Variants in RBM20 observed in about 807,000 individuals in gnomAD.
RBM20 encodes RNA-binding protein 20.
In RBM20, 51 loss-of-function variants were observed where a neutral mutation model predicts 110.1. That is an observed-to-expected ratio of 0.46 (90% CI 0.37 to 0.59). RBM20 has a LOEUF of 0.59. Ranked by LOEUF, RBM20 falls within the 20% of genes least tolerant of loss-of-function variation. RBM20 has a pLI of 0.00. For synonymous variants in RBM20, 589 were observed against 618.2 expected (o/e 0.95, Z 0.70); for missense variants, 1,512 against 1,574.9 (o/e 0.96, Z 0.68).
chr10:110,694,664 A>G (rs1449349908), intron 1 of RBM20, among the ~76,000 whole-genome samples: 2 of 152,066 alleles, frequency 1.3e-5, no homozygotes, highest in Non-Finnish European at 2.9e-5. Context: ...TGAGGTGCAG[A>G]GCTGATGATG....
intron 8 of RBM20, 114 bp from the exon 9 acceptor site, chr10:110,812,164 G>A: frequency 1.1e-6 from 1 of 942,164 alleles, no homozygotes; most frequent in Non-Finnish European, 1.6e-6. Flanking sequence ...GGAGTTAAGA[G>A]TGTACACAGT....
At chr10:110,675,391 T>C (rs1001207417) in intron 1 of RBM20, among the ~76,000 whole-genome samples, 12 of 152,140 alleles carry the variant, frequency 7.9e-5, no homozygotes, top group Admixed American at 5.2e-4. Flanking sequence ...CCATCATCAT[T>C]ATGAGCAGCT....
intron 13 of RBM20, among the ~76,000 whole-genome samples, chr10:110,834,549 A>G (rs1390832287): frequency 1.3e-5 from 2 of 152,226 alleles, no homozygotes; most frequent in Non-Finnish European, 2.9e-5. Flanking sequence ...AGAAAAGCCA[A>G]CATTACTGAG....
chr10:110,781,824 G>A lies in RBM20; in HGVS notation c.1215G>A (p.Val405=). 1 of 1,551,758 alleles carries A rather than the reference G, an allele frequency of 6.4e-7. No individual in the cohort carries two copies. Among genetic ancestry groups the A allele is most frequent in the African/African-American group, 1.4e-5 (1 of 73,174 alleles). The change falls in exon 2 of 14, where the codon GTG becomes GTA. Residue 405 remains valine (V), a synonymous_variant. Transcript: ENST00000369519. ...QAHELNDFHG[V]APLHLPHICS... is the part of the protein sequence containing the mutation. ...ATGAGCTGAACGACTTTCACGGTGT[G>A]GCCCCCCTCCACTTGCCGCATATCT...
At chr10:110,650,165 C>T (rs895214838) in intron 1 of RBM20, among the ~76,000 whole-genome samples, 6 of 152,140 alleles carry the variant, frequency 3.9e-5, no homozygotes, top group African/African-American at 1.4e-4. Flanking sequence ...AAGGACCCCT[C>T]CCCCCAAATA....
intron 1 of RBM20, among the ~76,000 whole-genome samples, chr10:110,680,997 C>A (rs376235924): frequency 1.3e-5 from 2 of 152,144 alleles, no homozygotes; most frequent in African/African-American, 4.8e-5. Context: ...TTGTTACATT[C>A]GTGAAAAATC....
chr10:110,805,261 T>C (rs1026745370), intron 7 of RBM20, among the ~76,000 whole-genome samples: 2 of 152,026 alleles, frequency 1.3e-5, no homozygotes, highest in African/African-American at 2.4e-5. Context: ...GGGAAGAGAT[T>C]CCTAAACAAG....
chr10:110,698,091 G>T (rs532906297), intron 1 of RBM20, among the ~76,000 whole-genome samples: 44 of 152,062 alleles, frequency 2.9e-4, no homozygotes, highest in African/African-American at 7.7e-4. Flanking sequence ...TGTATTTTTA[G>T]TAGAGACGGG....
At chr10:110,795,875 A>G (rs1374920883) in intron 5 of RBM20, among the ~76,000 whole-genome samples, 1 of 152,132 alleles carries the variant, frequency 6.6e-6, no homozygotes. Flanking sequence ...TGGCTTCCAA[A>G]CTGTGTTCCT....
At chr10:110,812,975 G>A in intron 9 of RBM20, 28 bp downstream of exon 9, 1 of 1,386,738 alleles carries the variant, frequency 7.2e-7, no homozygotes, top group East Asian at 2.5e-5. Context: ...CCCCAGGTAA[G>A]GCGAGGCAGG....
chr10:110,733,590 A>G (rs1643975792), intron 1 of RBM20, among the ~76,000 whole-genome samples: 1 of 152,220 alleles, frequency 6.6e-6, no homozygotes, highest in South Asian at 2.1e-4. Context: ...GTCATGGTTA[A>G]TCAGGGGTGC....
chr10:110,791,843 C>A (rs554752509), intron 5 of RBM20, among the ~76,000 whole-genome samples: 2 of 152,282 alleles, frequency 1.3e-5, no homozygotes, highest in African/African-American at 4.8e-5. Context: ...TAGTCACACC[C>A]CTGCAACTTA....
chr10:110,816,685 T>C (rs1016999400), intron 9 of RBM20, among the ~76,000 whole-genome samples: 2 of 152,196 alleles, frequency 1.3e-5, no homozygotes, highest in African/African-American at 2.4e-5. Flanking sequence ...GTCTGTTGTG[T>C]TCACTGCTGT....
chr10:110,763,062 C>T (rs1189636371), intron 1 of RBM20, among the ~76,000 whole-genome samples: 1 of 152,162 alleles, frequency 6.6e-6, no homozygotes, highest in East Asian at 1.9e-4. Context: ...CCAACGGAGC[C>T]TGGGACAGCC....
rs11430112 is a variant in RBM20, at chr10:110,818,291, C to CAAA, written c.2551-1767_2551-1765dup. ...GGGCAACAAGAGCAAAACTCCATCT[C>CAAA]AAAAAAAAAAAAAAAACCAAAACGA... On this transcript the variant is annotated intron_variant, in intron 9 of 13. Transcript: ENST00000369519. 3.7e-4 allele frequency among the ~76,000 whole-genome samples: 21 copies of CAAA among 56,254 alleles called. 1 individual carries two copies. Among genetic ancestry groups the CAAA allele is most frequent in the Non-Finnish European group, 8.7e-4 (19 of 21,900 alleles). 36.9% of individuals were successfully genotyped at this position (56,254 alleles called of 152,430 possible). A position where few individuals can be genotyped will look rare whatever the true frequency, so the allele number is the denominator to read the frequency against.
intron 1 of RBM20, among the ~76,000 whole-genome samples, chr10:110,690,478 C>T (rs1862571014): frequency 6.6e-6 from 1 of 152,060 alleles, no homozygotes; most frequent in South Asian, 2.1e-4. Flanking sequence ...TTTAACCACC[C>T]ACACTATTTC....
chr10:110,738,640 A>AG (rs1206516727), intron 1 of RBM20, among the ~76,000 whole-genome samples: 1 of 152,074 alleles, frequency 6.6e-6, no homozygotes, highest in Admixed American at 6.5e-5. Context: ...GTGGCATGGA[A>AG]GGGGGGCTTT....
At chr10:110,691,684 A>T (rs1005174117) in intron 1 of RBM20, among the ~76,000 whole-genome samples, 1 of 152,198 alleles carries the variant, frequency 6.6e-6, no homozygotes, top group African/African-American at 2.4e-5. Context: ...CCCTTTATCA[A>T]GCATATGATT....
intron 10 of RBM20, 73 bp downstream of exon 10, chr10:110,820,249 A>C (rs767243654): frequency 5.6e-5 from 56 of 1,002,074 alleles, no homozygotes; most frequent in Non-Finnish European, 7.9e-5. Context: ...TTGCCTGGTG[A>C]TGTCCTGCTG....
Sources: gnomAD v4.1 joint callset for allele counts (sites outside exome capture counted in the v4.1 genomes callset) on GRCh38, gnomAD v4.1.1 for gene constraint, MANE v1.5 for transcripts, NCBI Gene and HGNC (gene_info 2026-07-23, HGNC 2026-07-21) for gene names.